The following KCNH7 variants were observed in gnomAD, a reference collection of about 807,000 sequenced individuals.
KCNH7 encodes potassium voltage-gated channel subfamily H member 7.
In KCNH7, 49 loss-of-function variants were observed where a neutral mutation model predicts 120.8. The observed-to-expected ratio is 0.41, with a 90% CI of 0.32 to 0.51. KCNH7 has a LOEUF of 0.51. Among genes scored for constraint, KCNH7 ranks in the 20% least tolerant of loss-of-function variants. KCNH7 has a pLI of 0.38. For synonymous variants in KCNH7, 547 were observed against 516.1 expected (o/e 1.06, Z -0.81); for missense variants, 1,097 against 1,446.6 (o/e 0.76, Z 3.92).
intron 1 of KCNH7, among the ~76,000 whole-genome samples, chr2:162,837,952 T>C (rs1363405351): frequency 1.3e-5 from 2 of 152,202 alleles, no homozygotes; most frequent in African/African-American, 2.4e-5. Flanking sequence ...TTAGCTTCTA[T>C]AAATTAATAG....
chr2:162,391,993 G>C (rs1686758668), intron 12 of KCNH7, among the ~76,000 whole-genome samples: 1 of 151,974 alleles, frequency 6.6e-6, no homozygotes, highest in Admixed American at 6.6e-5. Context: ...TTGTTCTACA[G>C]TCAGCCAGAG....
intron 2 of KCNH7, among the ~76,000 whole-genome samples, chr2:162,761,664 T>A (rs958977409): frequency 1.4e-4 from 22 of 152,092 alleles, no homozygotes; most frequent in African/African-American, 5.3e-4. Flanking sequence ...TGCAACTAAG[T>A]CATAGTGCTC....
intron 6 of KCNH7, among the ~76,000 whole-genome samples, chr2:162,480,061 A>G (rs1689877813): frequency 6.6e-6 from 1 of 152,198 alleles, no homozygotes; most frequent in African/African-American, 2.4e-5. Flanking sequence ...ACATTAGGAG[A>G]GGAAAGAAAA....
chr2:162,791,989 A>C (rs1179329245), intron 2 of KCNH7, among the ~76,000 whole-genome samples: 2 of 151,824 alleles, frequency 1.3e-5, no homozygotes. Flanking sequence ...TTTTTTTAAC[A>C]TGAAGGGGTG....
Position 162,446,412 on chromosome 2 carries a change from T to C in KCNH7, c.1160A>G (p.Glu387Gly). Residue 387 changes from glutamate (E) to glycine (G), a missense_variant, in exon 7 of 16, where the codon GAA becomes GGA. This residue lies in a region of KCNH7 where 362 missense variants were observed against 372.2 expected (regional missense o/e 0.97). Coordinates refer to ENST00000332142, the MANE Select transcript of KCNH7 (RefSeq NM_033272.4). ...VLSLGADVLP[E>G]YKLQTPRINK... ...GATGCGTGGTGTCTGCAGTTTGTATTCAGGTAGGACATCTGCTCCTAAAGA... is the reference window on the plus strand; with the variant it reads ...GATGCGTGGTGTCTGCAGTTTGTATCCAGGTAGGACATCTGCTCCTAAAGA... 2 of 1,612,740 alleles carry C rather than the reference T, an allele frequency of 1.2e-6. No homozygotes were observed. Among genetic ancestry groups the C allele is most frequent in the Non-Finnish European group, 1.7e-6 (2 of 1,179,188 alleles).
At chr2:162,622,596 T>A (rs1461018916) in intron 2 of KCNH7, among the ~76,000 whole-genome samples, 1 of 152,158 alleles carries the variant, frequency 6.6e-6, no homozygotes, top group East Asian at 1.9e-4. Context: ...GGTGAAAGAA[T>A]GAATTGATCT....
intron 6 of KCNH7, among the ~76,000 whole-genome samples, chr2:162,472,588 G>A (rs887833496): frequency 7.2e-5 from 11 of 152,092 alleles, no homozygotes; most frequent in African/African-American, 1.2e-4. Flanking sequence ...GTCAGGAAAC[G>A]ACAGGTGCTG....
intron 2 of KCNH7, among the ~76,000 whole-genome samples, chr2:162,732,764 CT>C (rs1687774104): frequency 6.6e-6 from 1 of 152,122 alleles, no homozygotes; most frequent in African/African-American, 2.4e-5. Flanking sequence ...GTTTTGGGTA[CT>C]TTTGTTATGC....
chr2:162,779,187 TG>T (rs1170145628), intron 2 of KCNH7, among the ~76,000 whole-genome samples: 1 of 151,646 alleles, frequency 6.6e-6, no homozygotes, highest in Admixed American at 6.6e-5. Flanking sequence ...TAATTTTTTT[TG>T]TTTTTTTTGT....
At chr2:162,826,062 G>T (rs936932716) in intron 2 of KCNH7, among the ~76,000 whole-genome samples, 2 of 151,986 alleles carry the variant, frequency 1.3e-5, no homozygotes, top group African/African-American at 4.8e-5. Context: ...GTGAAATCCT[G>T]TATCAGCATG....
chr2:162,707,415 A>G (rs139812094), intron 2 of KCNH7, among the ~76,000 whole-genome samples: 35 of 152,266 alleles, frequency 2.3e-4, no homozygotes, highest in Middle Eastern at 3.4e-3. Context: ...TCTGTCATAA[A>G]CTATGTAGCT....
chr2:162,446,271 T>C lies in KCNH7; in HGVS notation c.1301A>G (p.Asn434Ser). The change falls in exon 7 of 16, where the codon AAT becomes AGT. Residue 434 changes from asparagine to serine, a missense_variant. By Grantham distance (46) the Asn-to-Ser change is conservative. This residue lies in a region of KCNH7 where 109 missense variants were observed against 196.8 expected (regional missense o/e 0.55). Coordinates refer to ENST00000332142, the MANE Select transcript of KCNH7 (RefSeq NM_033272.4). ...TCGTCTTTTCTGTTCTTCTCTGTCA[T>C]TGAGGAGGAAGGCTGCAGAGTAGGG... ...FTPYSAAFLL[N>S]DREEQKRREC... 3 of 1,613,886 alleles carry C rather than the reference T, an allele frequency of 1.9e-6. No homozygotes were observed. Among genetic ancestry groups the C allele is most frequent in the East Asian group, 2.2e-5 (1 of 44,856 alleles).
intron 2 of KCNH7, among the ~76,000 whole-genome samples, chr2:162,586,081 T>G (rs1457668106): frequency 6.6e-6 from 1 of 152,132 alleles, no homozygotes; most frequent in Non-Finnish European, 1.5e-5. Context: ...TTTAGTTTGC[T>G]GATTGTGACA....
At chr2:162,657,190 G>T (rs1292343994) in intron 2 of KCNH7, among the ~76,000 whole-genome samples, 1 of 152,094 alleles carries the variant, frequency 6.6e-6, no homozygotes. Context: ...TACTGTTAGT[G>T]TTCACTCTTG....
At chr2:162,745,713 T>G (rs981240376) in intron 2 of KCNH7, among the ~76,000 whole-genome samples, 1 of 152,078 alleles carries the variant, frequency 6.6e-6, no homozygotes, top group African/African-American at 2.4e-5. Context: ...GTGTTTTTGT[T>G]TAATCATAAT....
At chr2:162,748,861 C>T (rs1359384050) in intron 2 of KCNH7, among the ~76,000 whole-genome samples, 1 of 71,168 alleles carries the variant, frequency 1.4e-5, no homozygotes, top group Non-Finnish European at 2.6e-5. Flanking sequence ...CCTCCCCTTC[C>T]CTCCCCTCCC....
chr2:162,800,219 TGTAA>T (rs1204553134), intron 2 of KCNH7, among the ~76,000 whole-genome samples: 1 of 151,634 alleles, frequency 6.6e-6, no homozygotes, highest in African/African-American at 2.4e-5. Context: ...AGAAAATGAA[TGTAA>T]GTGAGAATTG....
intron 9 of KCNH7, among the ~76,000 whole-genome samples, chr2:162,417,809 C>A (rs889795254): frequency 2.6e-5 from 4 of 152,072 alleles, no homozygotes; most frequent in Non-Finnish European, 5.9e-5. Flanking sequence ...GAACATGTAC[C>A]ATTTGTGACC....
chr2:162,674,550 T>TA (rs1685471509), intron 2 of KCNH7, among the ~76,000 whole-genome samples: 2 of 151,650 alleles, frequency 1.3e-5, no homozygotes, highest in African/African-American at 4.8e-5. Flanking sequence ...ACACTGATTT[T>TA]AAAAAAGAAT....
Sources: allele counts gnomAD v4.1 joint callset (sites outside exome capture counted in the v4.1 genomes callset), GRCh38; gene constraint gnomAD v4.1.1; regional missense constraint gnomAD v4.1.1; transcripts MANE v1.5; gene names NCBI Gene and HGNC (gene_info 2026-07-23, HGNC 2026-07-21).